Variants in FRMPD4 observed in about 807,000 individuals in gnomAD.
The protein encoded by FRMPD4 is FERM and PDZ domain-containing protein 4.
Under a neutral mutation model 94.1 loss-of-function variants are expected in FRMPD4, and 22 were observed. The observed-to-expected ratio is 0.23, with a 90% CI of 0.17 to 0.33. The LOEUF is 0.33. FRMPD4 is among the 10% of genes least tolerant of loss of function. The pLI, the probability that FRMPD4 is intolerant of heterozygous loss-of-function variation, is 1.00. For synonymous variants in FRMPD4, 631 were observed against 548.6 expected (o/e 1.15, Z -2.10); for missense variants, 1,111 against 1,339.9 (o/e 0.83, Z 2.67).
intron 4 of FRMPD4, among the ~76,000 whole-genome samples, chrX:12,672,721 T>TA (rs1480613581): frequency 8.9e-6 from 1 of 111,924 alleles, no homozygotes; most frequent in African/African-American, 3.3e-5. Context: ...CTGTAACATA[T>TA]GAACACATAT....
intron 3 of FRMPD4, among the ~76,000 whole-genome samples, 160 bp downstream of exon 3, chrX:12,610,041 T>C (rs2059166558): frequency 8.9e-6 from 1 of 112,249 alleles, no homozygotes; most frequent in Admixed American, 9.4e-5. Context: ...AAATGCTTCC[T>C]CAAACTAGGT....
intron 3 of FRMPD4, among the ~76,000 whole-genome samples, chrX:11,899,245 C>G (rs1332852276): frequency 9.0e-6 from 1 of 111,472 alleles, no homozygotes; most frequent in Non-Finnish European, 1.9e-5. Context: ...CAGGAAGTGG[C>G]TGGTGACTAT....
chrX:12,562,926 A>G (rs187341732), intron 2 of FRMPD4, among the ~76,000 whole-genome samples: 290 of 112,495 alleles, frequency 2.6e-3, no homozygotes, highest in Non-Finnish European at 3.7e-3. Flanking sequence ...CTGGGATTAC[A>G]GGCATGAGCT....
intron 3 of FRMPD4, among the ~76,000 whole-genome samples, chrX:11,976,832 T>G (rs755549070): frequency 8.9e-6 from 1 of 112,209 alleles, no homozygotes; most frequent in African/African-American, 3.2e-5. Context: ...TTATTAGATC[T>G]AATTCTTTCC....
chrX:11,896,871 G>A (rs775222876), intron 3 of FRMPD4, among the ~76,000 whole-genome samples: 42 of 111,498 alleles, frequency 3.8e-4, no homozygotes, highest in African/African-American at 1.3e-3. Flanking sequence ...AAATGCAGAT[G>A]TTGATTCAGC....
chrX:12,711,771 G>A (rs969486704), intron 14 of FRMPD4, among the ~76,000 whole-genome samples: 2 of 30,271 alleles, frequency 6.6e-5, no homozygotes, highest in African/African-American at 1.3e-4. Context: ...CCTGCCCCCC[G>A]CCCCAAGTCC....
chrX:12,053,428 A>AAGAAAGAAAGAG (rs1569149860), intron 3 of FRMPD4, among the ~76,000 whole-genome samples: 1 of 93,169 alleles, frequency 1.1e-5, no homozygotes, highest in Non-Finnish European at 2.2e-5. Context: ...GAAAGAAAGA[A>AAGAAAGAAAGAG]AGAGAAAGAA....
intron 4 of FRMPD4, among the ~76,000 whole-genome samples, chrX:12,615,195 T>A (rs980472687): frequency 8.9e-6 from 1 of 112,325 alleles, no homozygotes; most frequent in Non-Finnish European, 1.9e-5. Context: ...TGATTTTTCA[T>A]AATCAGGGAG....
intron 1 of FRMPD4, among the ~76,000 whole-genome samples, chrX:12,191,132 G>A (rs2056486311): frequency 2.7e-5 from 3 of 112,239 alleles, no homozygotes; most frequent in Admixed American, 1.9e-4. Context: ...TGGCAAATAA[G>A]CTTATGGAAA....
In FRMPD4 at chrX:11,996,176, T is replaced by C. The variant is rs779333223; in HGVS notation, c.95+118158T>C. Among the ~76,000 whole-genome samples the C allele has an allele frequency of 1.3e-4, 15 of 112,104 alleles. No homozygotes were observed. The East Asian group carries it at 4.2e-3, about 31-fold the overall frequency. ...AAATATAATTCCATTAGGTAGTGCA[T>C]TGATTTTTGTAACACAATGTGCTGC... On this transcript the variant is annotated intron_variant, in intron 3 of 18. Coordinates refer to the FRMPD4 transcript ENST00000640291.
chrX:12,655,601 A>G (rs2059646170), intron 4 of FRMPD4, among the ~76,000 whole-genome samples: 2 of 112,260 alleles, frequency 1.8e-5, no homozygotes, highest in African/African-American at 6.5e-5. Context: ...TAATTTTATT[A>G]TGTTTAGTGA....
intron 1 of FRMPD4, among the ~76,000 whole-genome samples, chrX:12,204,031 C>T (rs1439889515): frequency 8.9e-6 from 1 of 112,267 alleles, no homozygotes; most frequent in Non-Finnish European, 1.9e-5. Context: ...TGAGAGATTT[C>T]CTTCTGGTTA....
At chrX:12,365,210 G>A (rs1234815882) in intron 1 of FRMPD4, among the ~76,000 whole-genome samples, 1 of 111,809 alleles carries the variant, frequency 8.9e-6, no homozygotes, top group Non-Finnish European at 1.9e-5. Context: ...ATGCCAGGAT[G>A]TTTGGAGAGG....
intron 1 of FRMPD4, among the ~76,000 whole-genome samples, chrX:12,383,773 C>T (rs1022800573): frequency 1.5e-4 from 17 of 111,707 alleles, no homozygotes; most frequent in African/African-American, 4.6e-4. Flanking sequence ...AAACACTTGA[C>T]GTGAAATAAA....
intron 3 of FRMPD4, among the ~76,000 whole-genome samples, chrX:11,957,004 A>G (rs1175497938): frequency 8.9e-6 from 1 of 112,192 alleles, no homozygotes; most frequent in Non-Finnish European, 1.9e-5. Flanking sequence ...TACTTATTTT[A>G]TCTGTGTAGC....
intron 2 of FRMPD4, among the ~76,000 whole-genome samples, chrX:12,527,617 C>T (rs1241436953): frequency 9.1e-6 from 1 of 109,628 alleles, no homozygotes; most frequent in African/African-American, 3.3e-5. Flanking sequence ...TTCACTCAGG[C>T]TAAATATCCT....
intron 1 of FRMPD4, among the ~76,000 whole-genome samples, chrX:12,157,373 TCTC>T (rs2055951482): frequency 9.0e-6 from 1 of 111,118 alleles, no homozygotes; most frequent in African/African-American, 3.3e-5. Flanking sequence ...TTTGGGGACT[TCTC>T]CTTCTCCAGG....
Position 12,720,723 on chromosome X carries a change from C to A in FRMPD4, c.4154C>A (p.Pro1385Gln). 3 of 1,067,410 alleles carry A rather than the reference C, an allele frequency of 2.8e-6. No individual in the cohort carries two copies. Among genetic ancestry groups the A allele is most frequent in the Non-Finnish European group, 3.6e-6 (3 of 828,238 alleles). 88.0% of individuals were successfully genotyped at this position (1,067,410 alleles called of 1,213,427 possible). ...AYGEAVSWRPPDLRGGSLRTP... is the reference protein window; with the variant it reads ...AYGEAVSWRPQDLRGGSLRTP... ...GGAGAGGCTGTGAGCTGGCGGCCACCGGATCTGAGAGGGGGGAGCCTCAGG... is the reference window on the plus strand; with the variant it reads ...GGAGAGGCTGTGAGCTGGCGGCCACAGGATCTGAGAGGGGGGAGCCTCAGG... Residue 1385 changes from proline to glutamine, a missense_variant, in exon 17 of 17, where the codon CCG becomes CAG. Pro to Gln is a moderately conservative substitution (Grantham distance 76, BLOSUM62 -1). This residue lies in a region of FRMPD4 where 551 missense variants were observed against 591.6 expected (regional missense o/e 0.93). Coordinates refer to ENST00000675598, the MANE Select transcript of FRMPD4 (RefSeq NM_001368397.1).
At chrX:12,063,148 T>A in intron 3 of FRMPD4, among the ~76,000 whole-genome samples, 1 of 111,597 alleles carries the variant, frequency 9.0e-6, no homozygotes, top group East Asian at 2.8e-4. Flanking sequence ...GGTGGGAAGA[T>A]AGCTGGAGCC....
Sources: gnomAD v4.1 joint callset for allele counts (sites outside exome capture counted in the v4.1 genomes callset) on GRCh38, gnomAD v4.1.1 for gene constraint, gnomAD v4.1.1 regional missense constraint, MANE v1.5 for transcripts, NCBI Gene and HGNC (gene_info 2026-07-23, HGNC 2026-07-21) for gene names.